CYP4F3: variants seen among roughly 807,000 people sequenced by gnomAD.
The protein encoded by CYP4F3 is cytochrome P450 4F3.
In CYP4F3, 50 loss-of-function variants were observed where a neutral mutation model predicts 54.8. That is an observed-to-expected ratio of 0.91 (90% confidence interval 0.73 to 1.16). The LOEUF is 1.16. Among genes scored for constraint, CYP4F3 ranks in the 50% most tolerant of loss-of-function variants. The pLI, the probability that CYP4F3 is intolerant of heterozygous loss-of-function variation, is 0.00. For synonymous variants in CYP4F3, 244 were observed against 262.6 expected, an observed-to-expected ratio of 0.93 and a Z score of 0.69; for missense variants, 715 against 676.2, an observed-to-expected ratio of 1.06 and a Z score of -0.64.
intron 9 of CYP4F3, among the ~76,000 whole-genome samples, chr19:15,657,575 C>A (rs1973060566): frequency 6.6e-6 from 1 of 152,200 alleles, no homozygotes; most frequent in Non-Finnish European, 1.5e-5. Context: ...AGGCATGAGC[C>A]ACCATACAAT....
chr19:15,652,731 C>T lies in CYP4F3; in HGVS notation c.986-92C>T, dbSNP rs894429239. 3 of 1,606,772 alleles carry T rather than the reference C, an allele frequency of 1.9e-6. No individual in the cohort carries two copies. The South Asian group carries it at 3.3e-5, about 18-fold the overall frequency. On this transcript the variant is annotated intron_variant, in intron 8 of 12. Coordinates refer to ENST00000221307, the MANE Select transcript of CYP4F3 (RefSeq NM_000896.3). ...CCTCGCACTTCCCATCCCCCTTCCCCCATCCTCCCTGAGGTCCTCAATGCA... is the reference window on the plus strand; with the variant it reads ...CCTCGCACTTCCCATCCCCCTTCCCTCATCCTCCCTGAGGTCCTCAATGCA...
intron 3 of CYP4F3, 41 bp from the exon 4 acceptor site, chr19:15,647,011 C>T: frequency 1.2e-6 from 2 of 1,611,798 alleles, no homozygotes; most frequent in South Asian, 1.1e-5. Flanking sequence ...GTTCCTCCTT[C>T]ACCTGCCTCC....
chr19:15,657,054 C>A (rs180868211), intron 9 of CYP4F3, among the ~76,000 whole-genome samples: 9 of 152,286 alleles, frequency 5.9e-5, no homozygotes, highest in Admixed American at 5.9e-4. Context: ...TTCTAGCCTG[C>A]AGTATGTGGT....
rs1329599155 is a variant in CYP4F3, at chr19:15,645,298, C to T, written c.199-421C>T. On this transcript the variant is annotated intron_variant, in intron 2 of 12. Transcript: ENST00000221307. ...TTTCTGATTGCCTAGTCTCGGCAGG[C>T]CTGGGCCTTCTAGAGCTACTGTTTT... Among the ~76,000 whole-genome samples, 7 of 152,314 alleles carry T rather than the reference C, an allele frequency of 4.6e-5. No individual in the cohort carries two copies. The East Asian group carries it at 1.4e-3, about 29-fold the overall frequency.
At position 15,658,452 on chromosome 19, in the gene CYP4F3, C is replaced by G. The variant is rs756679006; in HGVS notation, c.1250-39C>G. 6 of 1,613,746 alleles carry G rather than the reference C, an allele frequency of 3.7e-6. No individual in the cohort carries two copies. In the African/African-American group the frequency reaches 5.3e-5, roughly 14 times the overall value. ...TGGGTAGGAAGAGGGGCCCCTCAGG[C>G]AGGGAGCATTGTCCTGACTGCCCCC... On this transcript the variant is annotated intron_variant, in intron 10 of 12. Coordinates refer to ENST00000221307, the MANE Select transcript of CYP4F3 (RefSeq NM_000896.3).
chr19:15,659,352 C>T lies in CYP4F3; in HGVS notation c.1530C>T (p.Gly510=). 5 of 1,612,942 alleles carry T rather than the reference C, an allele frequency of 3.1e-6. No homozygotes were observed. The highest frequency in any genetic ancestry group is 2.2e-5 in the East Asian group (1 of 44,858). ...RKPELVLRAE[G]GLWLRVEPLS is the part of the protein sequence containing the mutation. ...CGGAGCTGGTCCTGCGCGCAGAGGG[C>T]GGACTTTGGCTGCGGGTGGAGCCCC... The change falls in exon 13 of 13, where the codon GGC becomes GGT. Residue 510 remains glycine (G), a synonymous_variant. Transcript: ENST00000221307.
intron 9 of CYP4F3, 70 bp from the exon 10 acceptor site, chr19:15,658,194 A>C: frequency 4.4e-6 from 7 of 1,581,146 alleles, no homozygotes; most frequent in Non-Finnish European, 5.1e-6. Context: ...TCTCACTTGC[A>C]AACAGAGAGA....
At chr19:15,646,833 C>T (rs2073600) in intron 3 of CYP4F3, among the ~76,000 whole-genome samples, 69,508 of 151,902 alleles carry the variant, frequency 0.46, 17,146 homozygotes, top group East Asian at 0.68. Flanking sequence ...CTCCTACGTG[C>T]CATGTTAGGC....
intron 1 of CYP4F3, 65 bp from the exon 2 acceptor site, chr19:15,641,350 C>G: frequency 6.3e-7 from 1 of 1,587,986 alleles, no homozygotes; most frequent in Non-Finnish European, 8.6e-7. Context: ...CTCCACTGTC[C>G]CTGGAGCTCC....
At chr19:15,648,945 A>G (rs1972705852) in intron 5 of CYP4F3, among the ~76,000 whole-genome samples, 1 of 152,192 alleles carries the variant, frequency 6.6e-6, no homozygotes, top group Admixed American at 6.5e-5. Context: ...ACAGAGCTGG[A>G]ACTTGAACCT....
chr19:15,653,299 G>C (rs1972914754), intron 9 of CYP4F3, among the ~76,000 whole-genome samples: 1 of 152,114 alleles, frequency 6.6e-6, no homozygotes, highest in South Asian at 2.1e-4. Context: ...TTGCTCTTCT[G>C]TTCCCTAATT....
In CYP4F3 at chr19:15,661,078, G is replaced by A. The variant is rs1232442293; in HGVS notation, c.*1693G>A. On this transcript the variant is annotated 3_prime_UTR_variant, in exon 13 of 13. Transcript: ENST00000221307. ...AGCCATCTCATTCTAACAGCAATGA[G>A]AACTTAGGCTCCCCTCTCTACTAAA... is the stretch of plus-strand genomic sequence containing the variant. 1.3e-5 allele frequency: 2 copies of A among 151,718 alleles called. No individual in the cohort carries two copies. The highest frequency in any genetic ancestry group is 4.8e-5 in the African/African-American group (2 of 41,318). 9.4% of individuals were successfully genotyped at this position (151,718 alleles called of 1,614,324 possible). A position where few individuals can be genotyped will look rare whatever the true frequency, so the allele number is the denominator to read the frequency against.
chr19:15,659,977 C>T lies in CYP4F3; in HGVS notation c.*592C>T, dbSNP rs952104402. On this transcript the variant is annotated 3_prime_UTR_variant, in exon 13 of 13. Transcript: ENST00000221307. ...GTGCACTAAATGCTATTGAATTGGA[C>T]ACTTTAGAATGGTTGAAATAGTGAT... 1.3e-5 allele frequency: 2 copies of T among 152,258 alleles called. No homozygotes were observed. The highest frequency in any genetic ancestry group is 1.9e-4 in the East Asian group (1 of 5,196). 9.4% of individuals were successfully genotyped at this position (152,258 alleles called of 1,614,324 possible). A position where few individuals can be genotyped will look rare whatever the true frequency, so the allele number is the denominator to read the frequency against.
intron 5 of CYP4F3, 39 bp from the exon 6 acceptor site, chr19:15,649,121 C>A: frequency 6.2e-7 from 1 of 1,611,136 alleles, no homozygotes. Context: ...CTCAAGGGAG[C>A]AAGGGACCTG....
chr19:15,654,460 A>G (rs1972961645), intron 9 of CYP4F3, among the ~76,000 whole-genome samples: 1 of 152,244 alleles, frequency 6.6e-6, no homozygotes. Context: ...CTGATCTATC[A>G]AGTGCTAGGT....
rs1973176110 is a variant in CYP4F3 at position 15,661,258 on chromosome 19, A to C, written c.*1873A>C. On this transcript the variant is annotated 3_prime_UTR_variant, in exon 13 of 13. Coordinates refer to ENST00000221307, the MANE Select transcript of CYP4F3 (RefSeq NM_000896.3). ...GCCTGGGGGAGGGGGACATAGCGAG[A>C]CTCGGTCTCAAAAACAAAACAAAAC... is the stretch of plus-strand genomic sequence containing the variant. 6.7e-6 allele frequency: 1 copy of C among 149,388 alleles called. No homozygotes were observed. The highest frequency in any genetic ancestry group is 2.5e-5 in the African/African-American group (1 of 40,146). The allele number at this position is 149,388 out of a possible 1,614,324, so 9.3% of individuals were successfully genotyped here.
rs1200241263 is a variant in CYP4F3 at position 15,660,326 on chromosome 19, A to AT, written c.*946dup. On this transcript the variant is annotated 3_prime_UTR_variant, in exon 13 of 13. Transcript: ENST00000221307. The stretch of plus-strand genomic sequence containing the variant: ...AAATGACTTTTGGAGTAGAGATTTT[A>AT]TTTTTATAGCAATAGATGCACAGAT... 1.3e-5 allele frequency: 2 copies of AT among 152,144 alleles called. No homozygotes were observed. The highest frequency in any genetic ancestry group is 4.8e-5 in the African/African-American group (2 of 41,424). 9.4% of individuals were successfully genotyped at this position (152,144 alleles called of 1,614,324 possible).
chr19:15,655,777 A>G (rs561081153), intron 9 of CYP4F3, among the ~76,000 whole-genome samples: 1 of 152,284 alleles, frequency 6.6e-6, no homozygotes, highest in South Asian at 2.1e-4. Context: ...TTGTTTTTAA[A>G]TTTGTTCTTT....
intron 7 of CYP4F3, 155 bp downstream of exon 7, chr19:15,650,338 C>T: frequency 7.1e-7 from 1 of 1,416,136 alleles, no homozygotes; most frequent in African/African-American, 1.4e-5. Flanking sequence ...TTGGAGATAG[C>T]TCTGTGGACT....
Sources: gnomAD v4.1 joint callset for allele counts (sites outside exome capture counted in the v4.1 genomes callset) on GRCh38, gnomAD v4.1.1 for gene constraint, MANE v1.5 for transcripts, NCBI Gene and HGNC (gene_info 2026-07-23, HGNC 2026-07-21) for gene names.